Variants in ARHGAP29 observed in about 807,000 individuals in gnomAD.
ARHGAP29 encodes rho GTPase-activating protein 29.
In ARHGAP29, 43 loss-of-function variants were observed where a neutral mutation model predicts 122.6. The observed-to-expected ratio is 0.35, with a 90% CI of 0.27 to 0.45. The LOEUF (loss-of-function observed/expected upper bound fraction) is 0.45, where lower values mean the gene tolerates loss of function less well. Among genes scored for constraint, ARHGAP29 ranks in the 20% least tolerant of loss-of-function variants. The probability of loss-of-function intolerance (pLI) is 1.00; values close to 1 mark genes in which losing one functional copy is unlikely to be tolerated. For synonymous variants in ARHGAP29, 506 were observed against 497.1 expected (o/e 1.02, Z -0.24); for missense variants, 1,303 against 1,477.2 (o/e 0.88, Z 1.93).
rs370237976 is a variant in ARHGAP29, at chr1:94,202,679, T to C, written c.1008A>G (p.Gln336=). ...KKAKLLCMQR[Q]DEYEKAKSSM... ...AAGACTTTGCTTTCTCATATTCATC[T>C]TGACGTTGCATGCATAATAATTTTG... The change falls in exon 11 of 23, where the codon CAA becomes CAG. Residue 336 remains glutamine, a synonymous_variant. Coordinates refer to ENST00000260526, the MANE Select transcript of ARHGAP29 (RefSeq NM_004815.4). The C allele has an allele frequency of 2.6e-5, 42 of 1,614,206 alleles. No homozygotes were observed. Among genetic ancestry groups the C allele is most frequent in the Non-Finnish European group, 3.3e-5 (39 of 1,180,038 alleles).
intron 1 of ARHGAP29, among the ~76,000 whole-genome samples, chr1:94,266,728 A>G (rs1654788790): frequency 6.6e-6 from 1 of 152,196 alleles, no homozygotes; most frequent in Non-Finnish European, 1.5e-5. Flanking sequence ...CTTATCTCTT[A>G]GTATTCATAG....
upstream of ARHGAP29, among the ~76,000 whole-genome samples, chr1:94,241,855 C>T (rs930526535): frequency 2.0e-5 from 3 of 151,208 alleles, no homozygotes; most frequent in African/African-American, 4.9e-5. Flanking sequence ...AACTACACAC[C>T]GCACTGGGCT....
At position 94,174,197 on chromosome 1, in the gene ARHGAP29, C is replaced by T. The variant is rs775991390; in HGVS notation, c.3458G>A (p.Arg1153Lys). Residue 1153 changes from arginine to lysine, a missense_variant, in exon 23 of 23, where the codon AGA becomes AAA. Around this residue, in one of 3 missense-constraint regions of ARHGAP29, gnomAD observed 620 missense variants for 651.2 expected, o/e 0.95. Transcript: ENST00000260526. The stretch of plus-strand genomic sequence containing the variant: ...TTGAGGCTGCAGTGTTCTGGGTGCT[C>T]TGACAGGAGCGAGAGGGTAGGAATC... ...SSDSYPLAPV[R>K]APRTLQPQHW... 6.2e-7 allele frequency: 1 copy of T among 1,614,190 alleles called. No homozygotes were observed. The highest frequency in any genetic ancestry group is 2.2e-5 in the East Asian group (1 of 44,878).
Position 94,220,347 on chromosome 1 carries a change from C to T in ARHGAP29, c.251G>A (p.Arg84His), listed in dbSNP as rs183410431. 2.2e-4 allele frequency: 354 copies of T among 1,611,370 alleles called. 1 individual carries two copies. In the East Asian group the frequency reaches 4.2e-3, roughly 19 times the overall value. Residue 84 changes from arginine to histidine, a missense_variant, in exon 3 of 23, where the codon CGT becomes CAT. Around this residue, in one of 3 missense-constraint regions of ARHGAP29, gnomAD observed 592 missense variants for 648.2 expected, o/e 0.91. Transcript: ENST00000260526. ...TTTATTCATTATAGACTTTAAAACA[C>T]GGAGCAGTTCCTCTAGACGTATATG... ...VIHIRLEELL[R>H]VLKSIMNKHQ...
the ARHGAP29 span, among the ~76,000 whole-genome samples, chr1:94,314,129 T>C: frequency 1.3e-5 from 2 of 152,108 alleles, no homozygotes; most frequent in African/African-American, 4.8e-5. Context: ...TATAATAAAA[T>C]AAAATAAATC....
At chr1:94,189,430 G>T in intron 13 of ARHGAP29, 78 bp from the exon 14 acceptor site, 2 of 1,401,748 alleles carry the variant, frequency 1.4e-6, no homozygotes, top group Non-Finnish European at 1.9e-6. Flanking sequence ...TCTATGTTTA[G>T]AAAAATCTAT....
At chr1:94,213,219 G>A (rs892081898) in intron 3 of ARHGAP29, among the ~76,000 whole-genome samples, 6 of 151,980 alleles carry the variant, frequency 3.9e-5, no homozygotes, top group Non-Finnish European at 5.9e-5. Flanking sequence ...TCGCTCTGTC[G>A]CCCAGGCTGG....
the ARHGAP29 span, among the ~76,000 whole-genome samples, chr1:94,287,074 G>T: frequency 1.9e-4 from 29 of 152,310 alleles, no homozygotes; most frequent in South Asian, 3.5e-3. Flanking sequence ...TGGAACTTCT[G>T]ATTGACTGGC....
At chr1:94,272,265 G>A (rs1403037081) in intron 1 of ARHGAP29, among the ~76,000 whole-genome samples, 1 of 152,150 alleles carries the variant, frequency 6.6e-6, no homozygotes, top group Non-Finnish European at 1.5e-5. Context: ...GACTAACTGC[G>A]GAGATGGGAC....
the ARHGAP29 span, among the ~76,000 whole-genome samples, chr1:94,295,673 G>A: frequency 7.1e-6 from 1 of 141,414 alleles, no homozygotes; most frequent in Middle Eastern, 3.8e-3. Context: ...TCAGTCAGCA[G>A]GAAACATGAA....
intron 3 of ARHGAP29, among the ~76,000 whole-genome samples, chr1:94,210,205 C>G (rs894742817): frequency 4.6e-5 from 7 of 152,120 alleles, no homozygotes; most frequent in Non-Finnish European, 8.8e-5. Flanking sequence ...CCCTATATGA[C>G]CCCTCCCTAA....
upstream of ARHGAP29, among the ~76,000 whole-genome samples, chr1:94,277,625 C>G: frequency 6.6e-6 from 1 of 152,092 alleles, no homozygotes; most frequent in Non-Finnish European, 1.5e-5. Context: ...TTATACTACC[C>G]AAGTCTGACT....
At chr1:94,196,894 C>T (rs569202753) in intron 12 of ARHGAP29, among the ~76,000 whole-genome samples, 2 of 151,848 alleles carry the variant, frequency 1.3e-5, no homozygotes, top group East Asian at 3.9e-4. Flanking sequence ...ATGCTTAGAG[C>T]GGAAAATTTA....
At chr1:94,187,513 A>C (rs185385332) in intron 15 of ARHGAP29, among the ~76,000 whole-genome samples, 2 of 152,192 alleles carry the variant, frequency 1.3e-5, no homozygotes, top group Non-Finnish European at 1.5e-5. Context: ...CTGCCTCCCT[A>C]TAAATCCCAG....
intron 1 of ARHGAP29, among the ~76,000 whole-genome samples, chr1:94,269,702 G>A (rs138705431): frequency 5.5e-4 from 83 of 152,266 alleles, no homozygotes; most frequent in Non-Finnish European, 1.0e-3. Flanking sequence ...CAATTATTGA[G>A]CACCTACTGT....
chr1:94,204,970 T>C, intron 7 of ARHGAP29, 91 bp downstream of exon 7: 2 of 1,231,082 alleles, frequency 1.6e-6, no homozygotes, highest in Non-Finnish European at 2.2e-6. Flanking sequence ...AGGTACTAAT[T>C]TGGAATTCTA....
chr1:94,237,153 C>G (rs1193396746), intron 1 of ARHGAP29, among the ~76,000 whole-genome samples: 9 of 152,230 alleles, frequency 5.9e-5, no homozygotes, highest in Non-Finnish European at 1.0e-4. Flanking sequence ...ACCGTCTGCT[C>G]CCGGCCACCG....
intron 1 of ARHGAP29, among the ~76,000 whole-genome samples, chr1:94,260,956 T>C (rs1209252438): frequency 6.6e-6 from 1 of 152,200 alleles, no homozygotes; most frequent in Admixed American, 6.5e-5. Flanking sequence ...TTTCCTGACT[T>C]CCTTACAACC....
Position 94,256,926 on chromosome 1 carries a change from A to G in ARHGAP29, c.-33+18086T>C, listed in dbSNP as rs1654381403. Among the ~76,000 whole-genome samples, 5 of 152,068 alleles carry G rather than the reference A, an allele frequency of 3.3e-5. No individual in the cohort carries two copies. The South Asian group carries it at 1.0e-3, about 32-fold the overall frequency. ...TACTTCGTGTATGTTTGTGTGTGGG[A>G]TAGGGAAGTAACATTGCTCCTATAG... is the stretch of plus-strand genomic sequence containing the variant. On this transcript the variant is annotated intron_variant and NMD_transcript_variant, in intron 1 of 25. Transcript: ENST00000552844.
Sources: gnomAD v4.1 joint callset for allele counts (sites outside exome capture counted in the v4.1 genomes callset) on GRCh38, gnomAD v4.1.1 for gene constraint, gnomAD v4.1.1 regional missense constraint, MANE v1.5 for transcripts, NCBI Gene and HGNC (gene_info 2026-07-23, HGNC 2026-07-21) for gene names.